IL5: variants seen among roughly 807,000 people sequenced by gnomAD.
The protein encoded by IL5 is interleukin 5, also known as interleukin-5.
In IL5, 12 loss-of-function variants were observed where a neutral mutation model predicts 16.3. The observed-to-expected ratio is 0.74, with a 90% CI of 0.47 to 1.20. The LOEUF (loss-of-function observed/expected upper bound fraction) is 1.20. Among genes scored for constraint, IL5 ranks in the 50% most tolerant of loss-of-function variants. The pLI is 0.00. For missense variants in IL5, 159 were observed against 153.9 expected, an observed-to-expected ratio of 1.03 and a Z score of -0.17; for synonymous variants, 54 against 56.6, an observed-to-expected ratio of 0.95 and a Z score of 0.21.
upstream of IL5, among the ~76,000 whole-genome samples, chr5:132,545,464 G>C (rs1310747371): frequency 6.6e-6 from 1 of 152,006 alleles, no homozygotes; most frequent in Non-Finnish European, 1.5e-5. Context: ...ACCAGCCCAG[G>C]CAACATAGTG....
chr5:132,543,010 C>A, intron 2 of IL5, 84 bp downstream of exon 2: 1 of 1,006,940 alleles, frequency 9.9e-7, no homozygotes, highest in South Asian at 1.4e-5. Flanking sequence ...TTAAATAGTT[C>A]CAATGATAAC....
At chr5:132,556,229 T>C (rs767339572) in intron 1 of IL5, 1 of 152,250 alleles carries the variant, frequency 6.6e-6, no homozygotes, top group Non-Finnish European at 1.5e-5. Flanking sequence ...TATGTTTCTC[T>C]AGGCCCTTAA....
At position 132,551,535 on chromosome 5, in the gene IL5, T is replaced by C. The variant is rs374196529; in HGVS notation, c.42+5139A>G. 4.3e-3 allele frequency among the ~76,000 whole-genome samples: 649 copies of C among 150,834 alleles called. 9 individuals carry two copies. The highest frequency in any genetic ancestry group is 0.016 in the African/African-American group (625 of 40,140). ...TTGGCATGTCTACATAGTCCCAGTCTGCGTGTGTGTGTGTGTGCGTGCATG... is the reference window on the plus strand; with the variant it reads ...TTGGCATGTCTACATAGTCCCAGTCCGCGTGTGTGTGTGTGTGCGTGCATG... On this transcript the variant is annotated intron_variant, in intron 1 of 2. Transcript: ENST00000450655.
chr5:132,543,064 A>G, intron 2 of IL5, 30 bp downstream of exon 2: 4 of 1,493,250 alleles, frequency 2.7e-6, no homozygotes, highest in South Asian at 1.1e-5. Flanking sequence ...TATTCATGCC[A>G]TCATTTTACT....
In IL5 at chr5:132,554,895, C is replaced by T. The variant is rs1749947878; in HGVS notation, c.42+1779G>A. On this transcript the variant is annotated intron_variant, in intron 1 of 2. Transcript: ENST00000450655. ...AATTCTGATATATGCTACAGTGGTC[C>T]CCAACCTTTTTGGCACCAGGGACCA... Among the ~76,000 whole-genome samples the T allele has an allele frequency of 2.0e-5, 3 of 152,188 alleles. No individual in the cohort carries two copies. In the South Asian group the frequency reaches 6.2e-4, roughly 32 times the overall value.
chr5:132,556,587 A>C, intron 1 of IL5: 1 of 833,874 alleles, frequency 1.2e-6, no homozygotes, highest in Non-Finnish European at 1.6e-6. Flanking sequence ...TGGCGTCATC[A>C]CATGTTATGT....
intron 1 of IL5, among the ~76,000 whole-genome samples, chr5:132,553,017 T>G (rs1483274154): frequency 3.0e-4 from 45 of 152,188 alleles, no homozygotes. Context: ...ATTTCCAGTC[T>G]ACATTGAAAT....
chr5:132,547,785 T>C (rs1012294732), upstream of IL5, among the ~76,000 whole-genome samples: 2 of 152,140 alleles, frequency 1.3e-5, no homozygotes, highest in African/African-American at 4.8e-5. Flanking sequence ...AAAATAATAC[T>C]GCGGCGAGGC....
At chr5:132,543,050 T>C in intron 2 of IL5, 44 bp downstream of exon 2, 1 of 1,384,772 alleles carries the variant, frequency 7.2e-7, no homozygotes, top group Non-Finnish European at 1.0e-6. Context: ...ACAGGAAATT[T>C]ACTTATTCAT....
At chr5:132,548,416 A>C (rs1749827778), upstream of IL5, among the ~76,000 whole-genome samples, 1 of 152,272 alleles carries the variant, frequency 6.6e-6, no homozygotes, top group African/African-American at 2.4e-5. Flanking sequence ...TGAATGAACA[A>C]GCAGGCACTT....
upstream of IL5, among the ~76,000 whole-genome samples, chr5:132,544,192 G>A (rs2069813): frequency 2.8e-4 from 42 of 152,268 alleles, no homozygotes; most frequent in African/African-American, 9.1e-4. Flanking sequence ...TTCCCATTGA[G>A]GTCTCAAGAT....
rs749283955 is a variant in IL5 at position 132,543,521 on chromosome 5, A to G, written c.-43T>C. The G allele has an allele frequency of 1.2e-6, 2 of 1,607,212 alleles. No homozygotes were observed. Among genetic ancestry groups the G allele is most frequent in the Non-Finnish European group, 1.7e-6 (2 of 1,176,548 alleles). On this transcript the variant is annotated 5_prime_UTR_variant, in exon 1 of 4. An upstream start codon of the reference 5' UTR is lost. Transcript: ENST00000231454. ...CGTTTGCCTTTGGCAAAGAAAGTGC[A>G]TAGTACAAGACTGCGTCCCCAGTCA...
chr5:132,555,300 A>G (rs1749958158), intron 1 of IL5, among the ~76,000 whole-genome samples: 1 of 152,190 alleles, frequency 6.6e-6, no homozygotes, highest in South Asian at 2.1e-4. Context: ...ACAAAAAGAT[A>G]AATACTGTAT....
At chr5:132,554,015 T>C (rs1365111966) in intron 1 of IL5, among the ~76,000 whole-genome samples, 1 of 150,966 alleles carries the variant, frequency 6.6e-6, no homozygotes, top group Admixed American at 6.6e-5. Flanking sequence ...CATGGAATTG[T>C]ACCCTGGAAA....
At chr5:132,548,567 G>A (rs940472700) in intron 1 of IL5, among the ~76,000 whole-genome samples, 9 of 152,192 alleles carry the variant, frequency 5.9e-5, no homozygotes, top group Non-Finnish European at 4.4e-5. Context: ...CATTGTCTAT[G>A]TGGAGTTTGC....
At chr5:132,555,034 A>G (rs1218212401) in intron 1 of IL5, among the ~76,000 whole-genome samples, 2 of 152,172 alleles carry the variant, frequency 1.3e-5, no homozygotes, top group African/African-American at 4.8e-5. Flanking sequence ...GGCAAGCTAG[A>G]TCCCTTGCAT....
In IL5 at chr5:132,543,100, A is replaced by G. The variant is rs746231797; in HGVS notation, c.171T>C (p.His57=). Residue 57 remains histidine, a synonymous_variant, in exon 2 of 4, where the codon CAT becomes CAC. Transcript: ENST00000231454. ...NETLRIPVPV[H]KNHQLCTEEI... ...GAATCATAATTTAACTTACATTTTT[A>G]TGTACAGGAACAGGAATCCTCAGAG... 3.1e-6 allele frequency: 5 copies of G among 1,602,316 alleles called. No homozygotes were observed. Among genetic ancestry groups the G allele is most frequent in the South Asian group, 2.2e-5 (2 of 90,338 alleles).
intron 1 of IL5, among the ~76,000 whole-genome samples, chr5:132,550,530 G>T (rs1749867845): frequency 6.6e-6 from 1 of 152,070 alleles, no homozygotes; most frequent in South Asian, 2.1e-4. Context: ...CAACAAGTTG[G>T]CCAGGATGGT....
chr5:132,545,296 G>A (rs1375341514), upstream of IL5, among the ~76,000 whole-genome samples: 1 of 152,120 alleles, frequency 6.6e-6, no homozygotes, highest in Non-Finnish European at 1.5e-5. Flanking sequence ...AAAGTTTCAG[G>A]GGAATTGCCA....
Sources: gnomAD v4.1 joint callset for allele counts (sites outside exome capture counted in the v4.1 genomes callset) on GRCh38, gnomAD v4.1.1 for gene constraint, MANE v1.5 for transcripts, NCBI Gene and HGNC (gene_info 2026-07-23, HGNC 2026-07-21) for gene names.